CSMD3: variants seen among roughly 807,000 people sequenced by gnomAD.
CSMD3 encodes the protein CUB and Sushi multiple domains 3.
Under a neutral mutation model 435.2 loss-of-function variants are expected in CSMD3, and 177 were observed. That is an observed-to-expected ratio of 0.41 (90% confidence interval 0.36 to 0.46). The LOEUF is 0.46. Ranked by LOEUF, CSMD3 falls within the 20% of genes least tolerant of loss-of-function variation. The pLI is 0.34. For synonymous variants in CSMD3, 1,656 were observed against 1,520.5 expected (o/e 1.09, Z -2.07); for missense variants, 4,265 against 4,504.6 (o/e 0.95, Z 1.52).
chr8:112,749,357 T>G, intron 13 of CSMD3, among the ~76,000 whole-genome samples: 1 of 152,180 alleles, frequency 6.6e-6, no homozygotes, highest in East Asian at 1.9e-4. Flanking sequence ...AGATCCCATT[T>G]GACAGGTTTT....
Position 113,422,935 on chromosome 8 carries a change from T to A in CSMD3, c.178+13742A>T, listed in dbSNP as rs186678081. On this transcript the variant is annotated intron_variant, in intron 1 of 70. Transcript: ENST00000297405. ...GAAGTGTTTTAGATCTCAAATTTTT[T>A]AAAAAATTTTGAATATGTGCATATA... Among the ~76,000 whole-genome samples, 372 of 152,132 alleles carry A rather than the reference T, an allele frequency of 2.4e-3. 4 individuals are homozygous for A. Among genetic ancestry groups the A allele is most frequent in the African/African-American group, 7.9e-3 (330 of 41,536 alleles).
At chr8:112,962,224 C>T (rs1332655805) in intron 7 of CSMD3, among the ~76,000 whole-genome samples, 3 of 150,102 alleles carry the variant, frequency 2.0e-5, no homozygotes, top group Non-Finnish European at 4.5e-5. Context: ...TGTTTTGTTT[C>T]TAATTGGTAT....
intron 1 of CSMD3, among the ~76,000 whole-genome samples, chr8:113,320,458 G>A (rs192685546): frequency 3.6e-4 from 54 of 152,098 alleles, no homozygotes; most frequent in South Asian, 1.9e-3. Flanking sequence ...GTTTAATGAT[G>A]TTTTAATTTT....
intron 2 of CSMD3, among the ~76,000 whole-genome samples, chr8:113,298,154 T>C (rs1182153505): frequency 6.6e-6 from 1 of 152,106 alleles, no homozygotes; most frequent in African/African-American, 2.4e-5. Flanking sequence ...AAATTGGATG[T>C]GGAAGATATG....
chr8:113,042,470 C>G (rs2087664138), intron 5 of CSMD3, among the ~76,000 whole-genome samples: 1 of 152,100 alleles, frequency 6.6e-6, no homozygotes, highest in African/African-American at 2.4e-5. Context: ...CTTTATTTGA[C>G]ATTTTGCAGA....
chr8:112,681,998 C>T (rs961652979), intron 16 of CSMD3, among the ~76,000 whole-genome samples: 2 of 151,648 alleles, frequency 1.3e-5, no homozygotes, highest in Non-Finnish European at 2.9e-5. Context: ...CTTCAGAAAT[C>T]ATATATTTTA....
intron 45 of CSMD3, among the ~76,000 whole-genome samples, chr8:112,332,556 G>A (rs940006222): frequency 4.6e-5 from 7 of 152,240 alleles, no homozygotes; most frequent in African/African-American, 1.7e-4. Flanking sequence ...AATGAAAGCA[G>A]TGCTTTAGAA....
intron 10 of CSMD3, among the ~76,000 whole-genome samples, chr8:112,889,033 G>C (rs1160446065): frequency 6.6e-6 from 1 of 151,610 alleles, no homozygotes; most frequent in Non-Finnish European, 1.5e-5. Flanking sequence ...AAATCATTTA[G>C]AAAATGGTTT....
At chr8:112,630,605 G>A (rs1368054003) in intron 22 of CSMD3, among the ~76,000 whole-genome samples, 1 of 152,068 alleles carries the variant, frequency 6.6e-6, no homozygotes, top group Non-Finnish European at 1.5e-5. Context: ...AAGGAAGTGA[G>A]AATGAAAATA....
intron 6 of CSMD3, among the ~76,000 whole-genome samples, chr8:112,996,659 A>C (rs1185086959): frequency 6.6e-6 from 1 of 151,624 alleles, no homozygotes; most frequent in Admixed American, 6.6e-5. Context: ...GCATATCTGC[A>C]AATATATCCA....
intron 13 of CSMD3, among the ~76,000 whole-genome samples, chr8:112,754,594 A>G (rs894976824): frequency 6.6e-6 from 1 of 152,198 alleles, no homozygotes; most frequent in African/African-American, 2.4e-5. Flanking sequence ...ACCAGAAAAG[A>G]GCAGGAAACG....
intron 59 of CSMD3, among the ~76,000 whole-genome samples, chr8:112,268,214 A>G (rs937075395): frequency 6.6e-6 from 1 of 152,176 alleles, no homozygotes; most frequent in African/African-American, 2.4e-5. Flanking sequence ...TGTTTGAAGG[A>G]TAAATAAATG....
intron 17 of CSMD3, among the ~76,000 whole-genome samples, chr8:112,663,008 T>C (rs1397102973): frequency 6.6e-6 from 1 of 151,976 alleles, no homozygotes; most frequent in African/African-American, 2.4e-5. Context: ...TGGCGATCAT[T>C]AAAAAGTCAG....
intron 10 of CSMD3, among the ~76,000 whole-genome samples, chr8:112,905,775 T>C (rs1446766827): frequency 1.3e-5 from 2 of 151,450 alleles, no homozygotes. Flanking sequence ...TTGTGAGTAG[T>C]AAAGTATGCT....
intron 2 of CSMD3, among the ~76,000 whole-genome samples, chr8:113,303,981 C>CA (rs1307720086): frequency 7.2e-6 from 1 of 138,036 alleles, no homozygotes; most frequent in Non-Finnish European, 1.6e-5. Context: ...AGGCAACCTA[C>CA]AAAATGGGAG....
At chr8:112,515,027 T>C (rs1823525805) in intron 28 of CSMD3, among the ~76,000 whole-genome samples, 1 of 152,080 alleles carries the variant, frequency 6.6e-6, no homozygotes, top group African/African-American at 2.4e-5. Flanking sequence ...CTGCTTAACT[T>C]AAGTAAGACT....
rs184666757 is a variant in CSMD3 at position 112,477,986 on chromosome 8, G to A, written c.5279-5279C>T. On this transcript the variant is annotated intron_variant, in intron 31 of 70. Coordinates refer to ENST00000297405, the MANE Select transcript of CSMD3 (RefSeq NM_198123.2). ...CTTTCCCGTGCTGTTCTTGTGATAG[G>A]GAATAAGTCTCACAGGATCTGATGA... 2.1e-4 allele frequency among the ~76,000 whole-genome samples: 32 copies of A among 151,566 alleles called. No homozygotes were observed. In the East Asian group the frequency reaches 6.0e-3, roughly 28 times the overall value.
intron 1 of CSMD3, among the ~76,000 whole-genome samples, chr8:113,391,120 T>A (rs568743002): frequency 6.6e-6 from 1 of 151,994 alleles, no homozygotes; most frequent in African/African-American, 2.4e-5. Flanking sequence ...ATTAGAATTA[T>A]ATGAAGTGAA....
chr8:113,351,851 A>G (rs1329439084), intron 1 of CSMD3, among the ~76,000 whole-genome samples: 1 of 152,206 alleles, frequency 6.6e-6, no homozygotes, highest in Non-Finnish European at 1.5e-5. Context: ...CTTGTCATCA[A>G]TGAAACTGTA....
Sources: gnomAD v4.1 joint callset for allele counts (sites outside exome capture counted in the v4.1 genomes callset) on GRCh38, gnomAD v4.1.1 for gene constraint, MANE v1.5 for transcripts, NCBI Gene and HGNC (gene_info 2026-07-23, HGNC 2026-07-21) for gene names.